The following NBAS variants were observed in gnomAD, a reference collection of about 807,000 sequenced individuals.
The protein encoded by NBAS is NBAS subunit of NRZ tethering complex.
In NBAS, 219 loss-of-function variants were observed where a neutral mutation model predicts 302.5. The ratio of observed to expected loss-of-function variants is 0.72; its 90% confidence interval spans 0.65 to 0.81. The LOEUF (loss-of-function observed/expected upper bound fraction) is 0.81, where lower values mean the gene tolerates loss of function less well. Ranked by LOEUF, NBAS falls within the 30% of genes least tolerant of loss-of-function variation. The probability of loss-of-function intolerance (pLI) is 0.00; values close to 1 mark genes in which losing one functional copy is unlikely to be tolerated. For synonymous variants in NBAS, 1,118 were observed against 1,021.6 expected (o/e 1.09, Z -1.80); for missense variants, 2,932 against 2,841.6 (o/e 1.03, Z -0.72).
chr2:15,351,422 A>G (rs1216932267), intron 35 of NBAS, among the ~76,000 whole-genome samples: 2 of 152,158 alleles, frequency 1.3e-5, no homozygotes, highest in African/African-American at 4.8e-5. Context: ...CACACCTGTA[A>G]TCCACGCACT....
intron 51 of NBAS, among the ~76,000 whole-genome samples, 182 bp from the exon 52 acceptor site, chr2:15,167,505 C>A (rs1286064653): frequency 1.3e-5 from 2 of 152,134 alleles, no homozygotes; most frequent in Non-Finnish European, 2.9e-5. Context: ...AGACGGGGCT[C>A]CTCTTAACAT....
the NBAS span, among the ~76,000 whole-genome samples, chr2:14,976,136 G>C: frequency 3.3e-5 from 5 of 152,228 alleles, no homozygotes; most frequent in African/African-American, 1.2e-4. Flanking sequence ...AAGCAATGAA[G>C]TAATAACTGG....
the NBAS span, among the ~76,000 whole-genome samples, chr2:14,857,466 T>C: frequency 1.3e-5 from 2 of 152,216 alleles, no homozygotes; most frequent in Non-Finnish European, 2.9e-5. Context: ...GGTAGTGGCA[T>C]AAAAGCAGAC....
At chr2:15,046,716 A>G in the NBAS span, among the ~76,000 whole-genome samples, 6 of 152,184 alleles carry the variant, frequency 3.9e-5, no homozygotes, top group African/African-American at 1.2e-4. Flanking sequence ...GCGGGGAAAA[A>G]GAGTTATTCT....
At chr2:15,180,599 G>A (rs1408163244) in intron 50 of NBAS, among the ~76,000 whole-genome samples, 1 of 152,228 alleles carries the variant, frequency 6.6e-6, no homozygotes, top group Admixed American at 6.5e-5. Flanking sequence ...GGTCATGGCA[G>A]TGCTCCCCAC....
At chr2:14,826,096 G>A in the NBAS span, among the ~76,000 whole-genome samples, 1 of 152,188 alleles carries the variant, frequency 6.6e-6, no homozygotes, top group East Asian at 1.9e-4. Context: ...TGAGGAGGGT[G>A]TAATTTGTTA....
chr2:14,981,370 C>T, the NBAS span, among the ~76,000 whole-genome samples: 2 of 152,200 alleles, frequency 1.3e-5, no homozygotes, highest in African/African-American at 4.8e-5. Flanking sequence ...TCCAGTCAAC[C>T]TATTCATCAA....
intron 40 of NBAS, among the ~76,000 whole-genome samples, chr2:15,305,803 A>G (rs1395759346): frequency 6.6e-6 from 1 of 152,158 alleles, no homozygotes; most frequent in African/African-American, 2.4e-5. Context: ...TTCCAATCTT[A>G]TGTATTCAGG....
At chr2:14,916,625 A>G in the NBAS span, among the ~76,000 whole-genome samples, 1 of 152,138 alleles carries the variant, frequency 6.6e-6, no homozygotes, top group South Asian at 2.1e-4. Context: ...CTGAAAAGTG[A>G]TTTTTCTCAC....
At chr2:14,912,942 A>T in the NBAS span, among the ~76,000 whole-genome samples, 1 of 152,324 alleles carries the variant, frequency 6.6e-6, no homozygotes, top group Non-Finnish European at 1.5e-5. Flanking sequence ...GCCCGTATGA[A>T]TTTATGTTCT....
At chr2:15,192,405 T>C (rs1665402685) in intron 48 of NBAS, among the ~76,000 whole-genome samples, 1 of 152,104 alleles carries the variant, frequency 6.6e-6, no homozygotes, top group Non-Finnish European at 1.5e-5. Flanking sequence ...TTAGTATAAA[T>C]TATATTAAAT....
chr2:14,928,673 T>C, the NBAS span, among the ~76,000 whole-genome samples: 1 of 152,054 alleles, frequency 6.6e-6, no homozygotes, highest in Non-Finnish European at 1.5e-5. Flanking sequence ...TTTTTTTTTT[T>C]AAGACCATGT....
At chr2:15,558,829 G>A (rs1228783918) in intron 1 of NBAS, among the ~76,000 whole-genome samples, 195 bp from the exon 2 acceptor site, 6 of 152,078 alleles carry the variant, frequency 3.9e-5, no homozygotes, top group African/African-American at 7.2e-5. Context: ...AGCACTTTGG[G>A]ATGCCAAGGT....
intron 48 of NBAS, among the ~76,000 whole-genome samples, chr2:15,211,093 TA>T (rs922995949): frequency 1.6e-4 from 25 of 152,160 alleles, no homozygotes; most frequent in African/African-American, 5.8e-4. Context: ...AAAAATAATT[TA>T]ATTGTACATA....
At chr2:15,549,322 G>C (rs1416021922) in intron 6 of NBAS, among the ~76,000 whole-genome samples, 1 of 152,082 alleles carries the variant, frequency 6.6e-6, no homozygotes, top group Non-Finnish European at 1.5e-5. Context: ...TGGATTACTA[G>C]AGGGCATACA....
chr2:14,928,629 C>T, the NBAS span, among the ~76,000 whole-genome samples: 1 of 150,866 alleles, frequency 6.6e-6, no homozygotes, highest in African/African-American at 2.4e-5. Context: ...AAAAGAAATT[C>T]AGTTTAGTTT....
intron 22 of NBAS, among the ~76,000 whole-genome samples, chr2:15,426,835 G>A (rs1199069406): frequency 6.6e-6 from 1 of 152,114 alleles, no homozygotes. Context: ...GAACCTGTTC[G>A]TTTGTTGGCT....
intron 32 of NBAS, among the ~76,000 whole-genome samples, chr2:15,362,666 T>C (rs1673994218): frequency 6.6e-6 from 1 of 152,174 alleles, no homozygotes; most frequent in Non-Finnish European, 1.5e-5. Context: ...ATATAAAACC[T>C]ATTTCCTACA....
the NBAS span, among the ~76,000 whole-genome samples, chr2:14,833,197 C>A: frequency 6.6e-6 from 1 of 152,160 alleles, no homozygotes. Context: ...AGCTCTCCAT[C>A]AAAGTAAATA....
Sources: allele counts gnomAD v4.1 joint callset (sites outside exome capture counted in the v4.1 genomes callset), GRCh38; gene constraint gnomAD v4.1.1; transcripts MANE v1.5; gene names NCBI Gene and HGNC (gene_info 2026-07-23, HGNC 2026-07-21).